Variants in PRKCE observed in about 807,000 individuals in gnomAD.
PRKCE encodes protein kinase C epsilon type.
In PRKCE, 16 loss-of-function variants were observed where a neutral mutation model predicts 85.4. The ratio of observed to expected loss-of-function variants is 0.19; its 90% CI spans 0.13 to 0.28. PRKCE has a LOEUF of 0.28. PRKCE is among the 10% of genes least tolerant of loss of function. The pLI is 1.00. For synonymous variants in PRKCE, 388 were observed against 371.5 expected, an observed-to-expected ratio of 1.04 and a Z score of -0.51; for missense variants, 573 against 975.2, an observed-to-expected ratio of 0.59 and a Z score of 5.49.
intron 1 of PRKCE, among the ~76,000 whole-genome samples, chr2:45,684,859 T>C (rs1677178269): frequency 6.6e-6 from 1 of 152,048 alleles, no homozygotes; most frequent in African/African-American, 2.4e-5. Context: ...AATTTGCAAA[T>C]AGGATCTGTG....
intron 1 of PRKCE, among the ~76,000 whole-genome samples, chr2:45,819,484 C>G (rs1028263083): frequency 6.6e-6 from 1 of 152,174 alleles, no homozygotes; most frequent in African/African-American, 2.4e-5. Context: ...AGCTGAGTGG[C>G]CGTTCTGTCC....
chr2:45,881,762 T>G (rs1053870892), intron 2 of PRKCE, among the ~76,000 whole-genome samples: 1 of 152,210 alleles, frequency 6.6e-6, no homozygotes, highest in Non-Finnish European at 1.5e-5. Flanking sequence ...AACTCAGCCC[T>G]TCTGGCTCTG....
At chr2:45,917,437 CAG>C (rs1350223382) in intron 2 of PRKCE, among the ~76,000 whole-genome samples, 2 of 151,884 alleles carry the variant, frequency 1.3e-5, no homozygotes, top group Non-Finnish European at 2.9e-5. Context: ...TAGCTAGATA[CAG>C]AGTGTCAATT....
intron 1 of PRKCE, among the ~76,000 whole-genome samples, chr2:45,768,235 G>C (rs1057077153): frequency 1.3e-5 from 2 of 152,180 alleles, no homozygotes; most frequent in Non-Finnish European, 2.9e-5. Flanking sequence ...ACACGAAAGA[G>C]CCTTGAAAAG....
At chr2:45,750,309 A>C (rs1683452969) in intron 1 of PRKCE, among the ~76,000 whole-genome samples, 1 of 152,198 alleles carries the variant, frequency 6.6e-6, no homozygotes, top group East Asian at 1.9e-4. Flanking sequence ...GCCCCTGGGA[A>C]AAATTATTCT....
intron 1 of PRKCE, among the ~76,000 whole-genome samples, chr2:45,741,154 C>T (rs961096122): frequency 8.5e-5 from 13 of 152,144 alleles, no homozygotes; most frequent in African/African-American, 1.9e-4. Flanking sequence ...TTGCTTCTAT[C>T]GGTGCCTGTA....
Position 46,174,961 on chromosome 2 carries a change from G to A in PRKCE, c.2068-9774G>A, listed in dbSNP as rs868611935. Among the ~76,000 whole-genome samples, 4 of 152,094 alleles carry A rather than the reference G, an allele frequency of 2.6e-5. No homozygotes were observed. In the Middle Eastern group the frequency reaches 0.01, roughly 388 times the overall value. ...CTACCTTGTCCACCAGAAGTGCTGGGATTACAGGCATGAACCACCACGCCC... is the reference window on the plus strand; with the variant it reads ...CTACCTTGTCCACCAGAAGTGCTGGAATTACAGGCATGAACCACCACGCCC... On this transcript the variant is annotated intron_variant, in intron 14 of 14. Coordinates refer to ENST00000306156, the MANE Select transcript of PRKCE (RefSeq NM_005400.3).
chr2:45,671,585 T>A (rs569154599), intron 1 of PRKCE, among the ~76,000 whole-genome samples: 2 of 152,102 alleles, frequency 1.3e-5, no homozygotes, highest in East Asian at 3.9e-4. Flanking sequence ...CCCCTCTGCC[T>A]CCCCCCACCA....
chr2:45,787,976 A>G (rs989038941), intron 1 of PRKCE, among the ~76,000 whole-genome samples: 7 of 152,162 alleles, frequency 4.6e-5, no homozygotes, highest in Admixed American at 2.6e-4. Flanking sequence ...TAGGTTTTCA[A>G]TGAAAGCTTG....
In PRKCE at chr2:46,050,265, T is replaced by C. The variant is rs372731971; in HGVS notation, c.1438-35943T>C. ...GTAATTTCTTATGAGCCCTTTGTGA[T>C]GGTAGAGTTTATGAAATGTAAGTAA... On this transcript the variant is annotated intron_variant, in intron 10 of 14. Coordinates refer to ENST00000306156, the MANE Select transcript of PRKCE (RefSeq NM_005400.3). Among the ~76,000 whole-genome samples the C allele has an allele frequency of 5.3e-5, 8 of 152,376 alleles. No individual in the cohort carries two copies. The South Asian group carries it at 1.2e-3, about 24-fold the overall frequency.
intron 10 of PRKCE, among the ~76,000 whole-genome samples, chr2:46,021,134 C>A (rs1003927186): frequency 6.6e-6 from 1 of 152,094 alleles, no homozygotes; most frequent in African/African-American, 2.4e-5. Flanking sequence ...GGGCAGGAGG[C>A]ATTTGCAGGA....
chr2:46,022,819 C>T (rs570174120), intron 10 of PRKCE, among the ~76,000 whole-genome samples: 133 of 151,834 alleles, frequency 8.8e-4, no homozygotes, highest in African/African-American at 3.0e-3. Flanking sequence ...CGCGGTGGCT[C>T]ACGCCTGTAA....
chr2:46,112,941 G>A (rs1408892837), intron 11 of PRKCE, among the ~76,000 whole-genome samples: 1 of 152,064 alleles, frequency 6.6e-6, no homozygotes, highest in Non-Finnish European at 1.5e-5. Context: ...TTTCAGATTT[G>A]TTAAAATATG....
chr2:45,868,215 T>C (rs1693768514), intron 2 of PRKCE, among the ~76,000 whole-genome samples: 1 of 63,544 alleles, frequency 1.6e-5, no homozygotes, highest in African/African-American at 4.8e-5. Context: ...GTAACGGAGC[T>C]TTTTTTTTTT....
chr2:46,183,603 C>G (rs565939709), intron 14 of PRKCE, among the ~76,000 whole-genome samples: 1 of 152,298 alleles, frequency 6.6e-6, no homozygotes, highest in South Asian at 2.1e-4. Flanking sequence ...GACTCCAGCC[C>G]TAACTCCCGC....
At chr2:46,076,793 G>C (rs1668593706) in intron 10 of PRKCE, among the ~76,000 whole-genome samples, 1 of 152,040 alleles carries the variant, frequency 6.6e-6, no homozygotes, top group African/African-American at 2.4e-5. Context: ...CATGTCTACA[G>C]GCAATGGAAT....
At chr2:46,027,552 G>T (rs72806735) in intron 10 of PRKCE, among the ~76,000 whole-genome samples, 4 of 151,796 alleles carry the variant, frequency 2.6e-5, no homozygotes, top group African/African-American at 9.7e-5. Context: ...ATTCTCATTC[G>T]TAGGTATATT....
chr2:46,061,854 T>TTTTC (rs547551777), intron 10 of PRKCE, among the ~76,000 whole-genome samples: 8,803 of 106,084 alleles, frequency 0.083, 566 homozygotes, highest in African/African-American at 0.19. Context: ...TTTTCTTTTC[T>TTTTC]TTTTCTTTTT....
chr2:46,133,587 A>G (rs1236324176), intron 11 of PRKCE, among the ~76,000 whole-genome samples: 1 of 152,228 alleles, frequency 6.6e-6, no homozygotes, highest in Non-Finnish European at 1.5e-5. Context: ...GATGGACGCT[A>G]AAATGGACTT....
Sources: gnomAD v4.1 joint callset for allele counts (sites outside exome capture counted in the v4.1 genomes callset) on GRCh38, gnomAD v4.1.1 for gene constraint, MANE v1.5 for transcripts, NCBI Gene and HGNC (gene_info 2026-07-23, HGNC 2026-07-21) for gene names.